Variants in F13A1 observed in about 807,000 individuals in gnomAD.
The protein encoded by F13A1 is FSF, A subunit.
F13A1 carries 47 observed loss-of-function variants against 80.1 expected under a neutral mutation model. The observed-to-expected ratio is 0.59, with a 90% CI of 0.46 to 0.75. The LOEUF (loss-of-function observed/expected upper bound fraction) is 0.75. Ranked by LOEUF, F13A1 falls within the 30% of genes least tolerant of loss-of-function variation. The pLI, the probability that F13A1 is intolerant of heterozygous loss-of-function variation, is 0.00. For synonymous variants in F13A1, 349 were observed against 344.9 expected (o/e 1.01, Z -0.13); for missense variants, 817 against 930.4 (o/e 0.88, Z 1.59).
chr6:6,256,253 G>C (rs893078704), intron 4 of F13A1, among the ~76,000 whole-genome samples: 2 of 152,064 alleles, frequency 1.3e-5, no homozygotes, highest in Admixed American at 1.3e-4. Context: ...TGGAATGTGG[G>C]AGCTGGAAAC....
At chr6:6,267,825 A>C (rs998125403) in intron 3 of F13A1, among the ~76,000 whole-genome samples, 2 of 152,236 alleles carry the variant, frequency 1.3e-5, no homozygotes, top group Admixed American at 6.5e-5. Context: ...AGAGAAGTAC[A>C]TCTGAAAGCA....
chr6:6,224,356 T>C (rs1757244751), intron 7 of F13A1, among the ~76,000 whole-genome samples: 1 of 149,680 alleles, frequency 6.7e-6, no homozygotes, highest in East Asian at 1.9e-4. Context: ...TTAACTGTTT[T>C]AGTTTTTTTA....
chr6:6,173,693 C>A lies in F13A1; in HGVS notation c.1747+887G>T, dbSNP rs147356066. On this transcript the variant is annotated intron_variant, in intron 12 of 14. Transcript: ENST00000264870. ...AAAGTGCTGAGATTACAGGAGACAG[C>A]GTTTTAAGAAGCGGCCTATGTCAGC... Among the ~76,000 whole-genome samples the A allele has an allele frequency of 2.0e-5, 3 of 152,258 alleles. 1 individual carries two copies. The South Asian group carries it at 6.2e-4, about 32-fold the overall frequency.
In F13A1 at chr6:6,250,477, C is replaced by G. The variant is rs1757615660; in HGVS notation, c.690+334G>C. 6.6e-6 allele frequency among the ~76,000 whole-genome samples: 1 copy of G among 151,840 alleles called. No individual in the cohort carries two copies. The highest frequency in any genetic ancestry group is 2.4e-5 in the African/African-American group (1 of 41,354). On this transcript the variant is annotated intron_variant, in intron 5 of 14. Transcript: ENST00000264870. The surrounding 1 kb of genome is among the most constrained non-coding windows in gnomAD (Gnocchi z 4.2). ...ACCCCTTGCAGTATTCTTTGCATCA[C>G]TTTGAAAATACCTTTCTTTATAAGC...
chr6:6,265,977 C>G (rs1194606389), intron 4 of F13A1, among the ~76,000 whole-genome samples: 1 of 152,168 alleles, frequency 6.6e-6, no homozygotes, highest in African/African-American at 2.4e-5. Context: ...TTTGCAATTA[C>G]TTTTAATTAC....
intron 8 of F13A1, among the ~76,000 whole-genome samples, chr6:6,208,772 T>TCA (rs1383401252): frequency 4.7e-4 from 72 of 152,292 alleles, no homozygotes; most frequent in African/African-American, 1.7e-3. Context: ...TCTCTCTTAT[T>TCA]CGCTCTCTTA....
intron 2 of F13A1, among the ~76,000 whole-genome samples, chr6:6,310,278 T>C (rs78066754): frequency 0.16 from 25,088 of 152,232 alleles, 2,344 homozygotes; most frequent in Non-Finnish European, 0.21. Context: ...ACCACAGATA[T>C]CTCAGAGGGG....
intron 2 of F13A1, 103 bp downstream of exon 2, chr6:6,318,431 TG>T: frequency 7.2e-7 from 1 of 1,384,928 alleles, no homozygotes; most frequent in South Asian, 1.5e-5. Context: ...CTTCCTTTTG[TG>T]GGAACCCCAG....
intron 11 of F13A1, among the ~76,000 whole-genome samples, chr6:6,176,146 G>C (rs150567516): frequency 0.015 from 2,235 of 150,976 alleles, 25 homozygotes; most frequent in Non-Finnish European, 0.025. Flanking sequence ...TAAAAACTAG[G>C]CTTGAGAATG....
intron 2 of F13A1, among the ~76,000 whole-genome samples, chr6:6,308,489 C>T (rs1758544965): frequency 6.7e-6 from 1 of 148,426 alleles, no homozygotes; most frequent in Non-Finnish European, 1.5e-5. Context: ...ACCATTACAT[C>T]TTTTAAAATA....
chr6:6,159,423 T>C (rs1241175279), intron 13 of F13A1, among the ~76,000 whole-genome samples: 1 of 152,224 alleles, frequency 6.6e-6, no homozygotes, highest in Admixed American at 6.5e-5. Flanking sequence ...ATTAGGATGG[T>C]TGTTAAGAAA....
intron 8 of F13A1, among the ~76,000 whole-genome samples, chr6:6,212,750 A>C (rs924497969): frequency 6.6e-6 from 1 of 152,230 alleles, no homozygotes; most frequent in South Asian, 2.1e-4. Context: ...GAGGACATTC[A>C]AACCAAAGGC....
intron 6 of F13A1, among the ~76,000 whole-genome samples, chr6:6,248,098 G>GAAAC (rs1757578259): frequency 6.6e-6 from 1 of 152,172 alleles, no homozygotes; most frequent in Non-Finnish European, 1.5e-5. Context: ...TAAAGCCAAA[G>GAAAC]AAACATACAG....
At chr6:6,168,010 C>G (rs540622196) in intron 12 of F13A1, among the ~76,000 whole-genome samples, 5 of 152,308 alleles carry the variant, frequency 3.3e-5, no homozygotes, top group African/African-American at 1.2e-4. Context: ...CCAAGGCCCC[C>G]ATTCCACATA....
chr6:6,250,909 T>C lies in F13A1; in HGVS notation c.592A>G (p.Asn198Asp), dbSNP rs983461176. 5.6e-6 allele frequency: 9 copies of C among 1,611,964 alleles called. No homozygotes were observed. Among genetic ancestry groups the C allele is most frequent in the Non-Finnish European group, 7.6e-6 (9 of 1,178,532 alleles). The change falls in exon 5 of 15, where the codon AAT (asparagine) becomes GAT (aspartate). Residue 198 changes from asparagine to aspartate, a missense_variant. Asn to Asp is a conservative substitution (Grantham distance 23, BLOSUM62 1). Coordinates refer to ENST00000264870, the MANE Select transcript of F13A1 (RefSeq NM_000129.4). This position sits in a 1 kb window ranked among gnomAD's most constrained non-coding sequence, Gnocchi z 4.2. ...WCEDDAVYLD[N>D]EKEREEYVLN... is the part of the protein sequence containing the mutation. ...ACATACTCTTCTCTTTCTTTCTCAT[T>C]GTCCAGATACACAGCATCATCTGCA... is the stretch of plus-strand genomic sequence containing the variant.
chr6:6,221,842 A>G (rs1475468721), intron 8 of F13A1, among the ~76,000 whole-genome samples, 191 bp downstream of exon 8: 1 of 152,198 alleles, frequency 6.6e-6, no homozygotes, highest in Non-Finnish European at 1.5e-5. Flanking sequence ...TATCACTAGG[A>G]ACCCAAACTG....
rs193216541 is a variant in F13A1, at chr6:6,204,820, C to T, written c.1113-7494G>A. Among the ~76,000 whole-genome samples the T allele has an allele frequency of 1.7e-4, 26 of 152,326 alleles. No individual in the cohort carries two copies. The East Asian group carries it at 2.7e-3, about 16-fold the overall frequency. ...GCGAGCATGACACTATTTCAGAATA[C>T]AGCTATTCATTGTTTGAGCCTGTTG... On this transcript the variant is annotated intron_variant, in intron 8 of 14. Transcript: ENST00000264870.
intron 2 of F13A1, among the ~76,000 whole-genome samples, chr6:6,309,984 T>C (rs1311089973): frequency 2.0e-5 from 3 of 152,126 alleles, no homozygotes; most frequent in Admixed American, 2.0e-4. Flanking sequence ...AATATTCGAG[T>C]ATTTCTTTGG....
intron 8 of F13A1, among the ~76,000 whole-genome samples, chr6:6,198,134 A>G (rs1331812038): frequency 6.6e-6 from 1 of 152,206 alleles, no homozygotes; most frequent in Non-Finnish European, 1.5e-5. Flanking sequence ...GCCTGACTAT[A>G]ATTCTCTACA....
Sources: gnomAD v4.1 joint callset for allele counts (sites outside exome capture counted in the v4.1 genomes callset) on GRCh38, gnomAD v4.1.1 for gene constraint, Gnocchi (gnomAD v3.1) non-coding constraint, MANE v1.5 for transcripts, NCBI Gene and HGNC (gene_info 2026-07-23, HGNC 2026-07-21) for gene names.